The following GPC3 variants were observed in gnomAD, a reference collection of about 807,000 sequenced individuals.
The protein encoded by GPC3 is glypican 3.
GPC3 carries 3 observed loss-of-function variants against 34.4 expected under a neutral mutation model. The ratio of observed to expected loss-of-function variants is 0.09; its 90% CI spans 0.04 to 0.23. The LOEUF is 0.23. Among genes scored for constraint, GPC3 ranks in the 10% least tolerant of loss-of-function variants. The pLI is 1.00. For missense variants in GPC3, 351 were observed against 445.6 expected (o/e 0.79, Z 1.91); for synonymous variants, 177 against 174.0 (o/e 1.02, Z -0.13).
chrX:133,668,599 G>A (rs903536313), intron 5 of GPC3, among the ~76,000 whole-genome samples: 2 of 109,637 alleles, frequency 1.8e-5, no homozygotes, highest in East Asian at 5.7e-4. Flanking sequence ...ACTTATACTA[G>A]CTGTCAGTTA....
At chrX:133,776,447 C>A (rs1434605298) in intron 2 of GPC3, among the ~76,000 whole-genome samples, 1 of 111,867 alleles carries the variant, frequency 8.9e-6, no homozygotes, top group African/African-American at 3.3e-5. Flanking sequence ...TATTTTTACT[C>A]ACTTTCAACT....
chrX:133,878,820 G>A (rs1315306732), intron 2 of GPC3, among the ~76,000 whole-genome samples: 1 of 111,759 alleles, frequency 8.9e-6, no homozygotes, highest in African/African-American at 3.2e-5. Flanking sequence ...AAGCCAGGAA[G>A]ACATGGTCAA....
chrX:133,827,481 A>G (rs763956705), intron 2 of GPC3, among the ~76,000 whole-genome samples: 22 of 111,699 alleles, frequency 2.0e-4, no homozygotes, highest in Admixed American at 3.8e-4. Context: ...TAACCGTGCT[A>G]TATAGAACCA....
At chrX:133,912,924 C>T (rs758465702) in intron 2 of GPC3, among the ~76,000 whole-genome samples, 4 of 109,792 alleles carry the variant, frequency 3.6e-5, no homozygotes, top group Non-Finnish European at 7.6e-5. Flanking sequence ...CGTGGTGGTG[C>T]ACGCCTGTAG....
chrX:133,581,568 A>C (rs2069731127), intron 7 of GPC3, among the ~76,000 whole-genome samples: 2 of 112,516 alleles, frequency 1.8e-5, no homozygotes, highest in African/African-American at 6.5e-5. Context: ...TTTACAGATA[A>C]AAATATAAAA....
chrX:133,537,357 G>A (rs1309997121), intron 7 of GPC3, among the ~76,000 whole-genome samples: 1 of 111,985 alleles, frequency 8.9e-6, no homozygotes, highest in Non-Finnish European at 1.9e-5. Flanking sequence ...TTGGGACACT[G>A]AGATGCCCGG....
intron 4 of GPC3, among the ~76,000 whole-genome samples, chrX:133,699,101 T>A (rs1013256402): frequency 2.7e-5 from 3 of 111,829 alleles, no homozygotes; most frequent in Non-Finnish European, 1.9e-5. Context: ...GGAGGATGAA[T>A]CTAGGCCACG....
At chrX:133,952,928 T>G in intron 2 of GPC3, 122 bp downstream of exon 2, 1 of 657,935 alleles carries the variant, frequency 1.5e-6, no homozygotes, top group Non-Finnish European at 2.4e-6. Context: ...CACTGGGAGG[T>G]TTTTAATAGC....
At chrX:133,626,615 A>G (rs147370123) in intron 6 of GPC3, among the ~76,000 whole-genome samples, 1,615 of 109,887 alleles carry the variant, frequency 0.015, 40 homozygotes, top group African/African-American at 0.05. Context: ...CCACAATGCG[A>G]TACCATCTCA....
At chrX:133,812,379 C>T (rs13440964) in intron 2 of GPC3, among the ~76,000 whole-genome samples, 12,007 of 111,634 alleles carry the variant, frequency 0.11, 1,175 homozygotes, top group African/African-American at 0.31. Flanking sequence ...GATGTCACTG[C>T]AGTTGATTCA....
At chrX:133,963,384 C>T (rs1428961128) in intron 1 of GPC3, among the ~76,000 whole-genome samples, 1 of 112,061 alleles carries the variant, frequency 8.9e-6, no homozygotes, top group African/African-American at 3.2e-5. Context: ...ATCTCTGAGC[C>T]TCAGTTTCCT....
rs188551655 is a variant in GPC3 at position 133,624,759 on chromosome X, T to C, written c.1414-28160A>G. Among the ~76,000 whole-genome samples, 32 of 111,359 alleles carry C rather than the reference T, an allele frequency of 2.9e-4. No individual in the cohort carries two copies. In the East Asian group the frequency reaches 8.2e-3, roughly 29 times the overall value. ...AAAGAGGAGCTGGTACCATTCCTTC[T>C]GAAACTATTCCAATCAACAGAAAAA... On this transcript the variant is annotated intron_variant, in intron 6 of 7. Coordinates refer to ENST00000370818, the MANE Select transcript of GPC3 (RefSeq NM_004484.4).
intron 2 of GPC3, among the ~76,000 whole-genome samples, chrX:133,793,763 C>T (rs1193194373): frequency 8.9e-6 from 1 of 112,033 alleles, no homozygotes; most frequent in Non-Finnish European, 1.9e-5. Flanking sequence ...CCTGCATAGC[C>T]TCACTGTAAG....
chrX:133,721,831 C>T (rs1291614423), intron 3 of GPC3, among the ~76,000 whole-genome samples: 2 of 111,883 alleles, frequency 1.8e-5, no homozygotes, highest in Non-Finnish European at 3.8e-5. Context: ...CTGTAAAACT[C>T]TTAAATAAAA....
intron 3 of GPC3, among the ~76,000 whole-genome samples, chrX:133,718,350 G>C (rs1359551844): frequency 9.0e-6 from 1 of 111,592 alleles, no homozygotes; most frequent in Non-Finnish European, 1.9e-5. Context: ...TTAAAATCAA[G>C]TTGGTATTAA....
chrX:133,739,092 A>AG (rs1279118852), intron 3 of GPC3, among the ~76,000 whole-genome samples: 6 of 111,209 alleles, frequency 5.4e-5, no homozygotes, highest in Non-Finnish European at 1.1e-4. Context: ...AGGTATGTAT[A>AG]GGGAAAAAAA....
In GPC3 at chrX:133,707,244, A is replaced by G. The variant is rs569279882; in HGVS notation, c.1033-7216T>C. ...GAAAAGGGGCATGGGCTAAAAAACT[A>G]TCTATTGGGTACTATGCTCACTACC... is the stretch of plus-strand genomic sequence containing the variant. On this transcript the variant is annotated intron_variant, in intron 3 of 7. Coordinates refer to ENST00000370818, the MANE Select transcript of GPC3 (RefSeq NM_004484.4). Among the ~76,000 whole-genome samples, 55 of 111,400 alleles carry G rather than the reference A, an allele frequency of 4.9e-4. No individual in the cohort carries two copies. The South Asian group carries it at 0.021, about 42-fold the overall frequency.
At chrX:133,622,988 G>A (rs1223227213) in intron 6 of GPC3, among the ~76,000 whole-genome samples, 3 of 112,201 alleles carry the variant, frequency 2.7e-5, no homozygotes, top group Non-Finnish European at 3.8e-5. Flanking sequence ...AGCCAGAAGA[G>A]AGTGGGGGCC....
chrX:133,655,085 A>T (rs1473000357), intron 6 of GPC3, among the ~76,000 whole-genome samples: 1 of 111,676 alleles, frequency 9.0e-6, no homozygotes, highest in Admixed American at 9.6e-5. Context: ...AAAATACATG[A>T]CCTAATTTAA....
Sources: gnomAD v4.1 joint callset for allele counts (sites outside exome capture counted in the v4.1 genomes callset) on GRCh38, gnomAD v4.1.1 for gene constraint, MANE v1.5 for transcripts, NCBI Gene and HGNC (gene_info 2026-07-23, HGNC 2026-07-21) for gene names.